The following DLG2 variants were observed in gnomAD, a reference collection of about 807,000 sequenced individuals.
DLG2 encodes discs large MAGUK scaffold protein 2.
Under a neutral mutation model 132.5 loss-of-function variants are expected in DLG2, and 45 were observed. The observed-to-expected ratio is 0.34, with a 90% CI of 0.27 to 0.44. The LOEUF is 0.44. Ranked by LOEUF, DLG2 falls within the 20% of genes least tolerant of loss-of-function variation. The probability of loss-of-function intolerance (pLI) is 1.00; values close to 1 mark genes in which losing one functional copy is unlikely to be tolerated. For missense variants in DLG2, 1,045 were observed against 1,196.9 expected, an observed-to-expected ratio of 0.87 and a Z score of 1.87; for synonymous variants, 424 against 419.6, an observed-to-expected ratio of 1.01 and a Z score of -0.13.
chr11:84,258,438 C>T (rs183204142), intron 7 of DLG2, among the ~76,000 whole-genome samples: 63 of 152,062 alleles, frequency 4.1e-4, no homozygotes, highest in African/African-American at 1.4e-3. Context: ...CTGAGGTTAA[C>T]AAGAATAACA....
At chr11:83,991,515 C>T (rs749157498) in intron 11 of DLG2, among the ~76,000 whole-genome samples, 7 of 152,080 alleles carry the variant, frequency 4.6e-5, no homozygotes, top group South Asian at 2.1e-4. Flanking sequence ...CACGTTAGGG[C>T]TTTACTTTTT....
rs567053279 is a variant in DLG2, at chr11:85,547,415, T to C, written c.40+51242A>G. Reference sequence around the variant, plus strand: ...ACCTGACCTTTCTCTCTGGCTGCTCTTAACATTTTTTCCTTCATTTCAATG... The same window carrying C: ...ACCTGACCTTTCTCTCTGGCTGCTCCTAACATTTTTTCCTTCATTTCAATG... On this transcript the variant is annotated intron_variant, in intron 3 of 27. Transcript: ENST00000376104. Among the ~76,000 whole-genome samples the C allele has an allele frequency of 1.1e-4, 16 of 152,346 alleles. No individual in the cohort carries two copies. In the South Asian group the frequency reaches 3.3e-3, roughly 32 times the overall value.
At chr11:85,331,941 C>A (rs1026759302) in intron 3 of DLG2, among the ~76,000 whole-genome samples, 11 of 152,148 alleles carry the variant, frequency 7.2e-5, no homozygotes, top group Non-Finnish European at 1.6e-4. Flanking sequence ...GTACATATGT[C>A]TTTTGGGTAG....
chr11:85,161,954 G>A (rs549181656), intron 4 of DLG2, among the ~76,000 whole-genome samples: 8 of 152,230 alleles, frequency 5.3e-5, no homozygotes, highest in Non-Finnish European at 8.8e-5. Flanking sequence ...ATGACCCCTC[G>A]TGATCCACTA....
intron 3 of DLG2, among the ~76,000 whole-genome samples, chr11:85,581,586 C>G (rs867596001): frequency 1.3e-5 from 2 of 152,026 alleles, no homozygotes; most frequent in Non-Finnish European, 2.9e-5. Context: ...CCACTGCACT[C>G]CAGCCTGGTG....
At chr11:83,556,471 C>G (rs2096522408) in intron 19 of DLG2, among the ~76,000 whole-genome samples, 1 of 151,632 alleles carries the variant, frequency 6.6e-6, no homozygotes, top group South Asian at 2.1e-4. Context: ...CTCCCGGGTT[C>G]AAGTGATCCT....
At chr11:83,887,279 C>G (rs2068193880) in intron 15 of DLG2, among the ~76,000 whole-genome samples, 1 of 152,094 alleles carries the variant, frequency 6.6e-6, no homozygotes, top group Admixed American at 6.5e-5. Context: ...CACCACCGAT[C>G]TCACAGAAAT....
At chr11:84,212,819 T>A (rs765260343) in intron 8 of DLG2, among the ~76,000 whole-genome samples, 6 of 152,154 alleles carry the variant, frequency 3.9e-5, no homozygotes, top group Non-Finnish European at 8.8e-5. Context: ...CCACCACGCC[T>A]GGCTAACTTT....
intron 19 of DLG2, among the ~76,000 whole-genome samples, chr11:83,597,587 C>G (rs763031478): frequency 1.3e-5 from 2 of 151,076 alleles, no homozygotes; most frequent in African/African-American, 2.4e-5. Flanking sequence ...GTCGCCCCAG[C>G]TACTCAGGAG....
intron 6 of DLG2, among the ~76,000 whole-genome samples, chr11:84,886,362 T>C (rs1029134317): frequency 3.3e-5 from 5 of 152,136 alleles, no homozygotes; most frequent in African/African-American, 1.2e-4. Flanking sequence ...TTTTCTTTAC[T>C]GTTACTCATT....
intron 6 of DLG2, among the ~76,000 whole-genome samples, chr11:84,820,728 C>T (rs1331287348): frequency 7.3e-6 from 1 of 137,222 alleles, no homozygotes; most frequent in Non-Finnish European, 1.6e-5. Context: ...AAGTGAAATA[C>T]CTTTTTTTTT....
chr11:83,745,668 G>A (rs967814498), intron 18 of DLG2, among the ~76,000 whole-genome samples: 3 of 152,032 alleles, frequency 2.0e-5, no homozygotes, highest in Admixed American at 1.3e-4. Context: ...CTGGCGTGGT[G>A]GCATGCACCT....
At chr11:84,438,689 A>C (rs1339606655) in intron 7 of DLG2, among the ~76,000 whole-genome samples, 1 of 152,198 alleles carries the variant, frequency 6.6e-6, no homozygotes, top group Non-Finnish European at 1.5e-5. Flanking sequence ...GGTCAATGCT[A>C]AGAGACAACT....
At chr11:83,851,944 C>T (rs2059858382) in intron 16 of DLG2, among the ~76,000 whole-genome samples, 1 of 151,268 alleles carries the variant, frequency 6.6e-6, no homozygotes, top group African/African-American at 2.4e-5. Flanking sequence ...AAAAAGACAG[C>T]CATGTGAAGA....
chr11:84,538,124 A>C (rs1257787906), intron 6 of DLG2, among the ~76,000 whole-genome samples: 1 of 152,214 alleles, frequency 6.6e-6, no homozygotes, highest in Admixed American at 6.5e-5. Flanking sequence ...ACCTCGTGAT[A>C]AACTCAGTTC....
chr11:84,194,205 C>T (rs1255129490), intron 8 of DLG2, among the ~76,000 whole-genome samples: 2 of 152,160 alleles, frequency 1.3e-5, no homozygotes, highest in African/African-American at 4.8e-5. Flanking sequence ...CTCTCTATGT[C>T]CTTTTGTGTC....
chr11:84,052,544 C>T (rs576533240), intron 11 of DLG2, among the ~76,000 whole-genome samples: 4 of 151,610 alleles, frequency 2.6e-5, no homozygotes, highest in Non-Finnish European at 5.9e-5. Context: ...AGGACATGAA[C>T]AGAACCTTCT....
At chr11:83,493,550 TC>T (rs1302347511) in intron 21 of DLG2, among the ~76,000 whole-genome samples, 1 of 152,158 alleles carries the variant, frequency 6.6e-6, no homozygotes, top group Non-Finnish European at 1.5e-5. Flanking sequence ...TAGTATATAC[TC>T]AATAAATATT....
chr11:84,322,943 A>C (rs2098412635), intron 7 of DLG2, among the ~76,000 whole-genome samples: 1 of 152,198 alleles, frequency 6.6e-6, no homozygotes, highest in South Asian at 2.1e-4. Context: ...AGGCATGTAA[A>C]TATCTCCTCT....
Sources: gnomAD v4.1 joint callset for allele counts (sites outside exome capture counted in the v4.1 genomes callset) on GRCh38, gnomAD v4.1.1 for gene constraint, MANE v1.5 for transcripts, NCBI Gene and HGNC (gene_info 2026-07-23, HGNC 2026-07-21) for gene names.